Variants in IL1RAPL2 observed in about 807,000 individuals in gnomAD.
IL1RAPL2 encodes the protein interleukin 1 receptor accessory protein like 2, also known as X-linked interleukin-1 receptor accessory protein-like 2.
A neutral mutation model predicts 44.1 loss-of-function variants in IL1RAPL2; 3 were observed. The ratio of observed to expected loss-of-function variants is 0.07; its 90% CI spans 0.03 to 0.18. The LOEUF (loss-of-function observed/expected upper bound fraction) is 0.18, where lower values mean the gene tolerates loss of function less well. Ranked by LOEUF, IL1RAPL2 falls within the 10% of genes least tolerant of loss-of-function variation. The probability of loss-of-function intolerance (pLI) is 1.00; values close to 1 mark genes in which losing one functional copy is unlikely to be tolerated. For synonymous variants in IL1RAPL2, 181 were observed against 178.8 expected, an observed-to-expected ratio of 1.01 and a Z score of -0.10; for missense variants, 391 against 496.4, an observed-to-expected ratio of 0.79 and a Z score of 2.02.
At chrX:105,538,945 C>T (rs1390053354) in intron 6 of IL1RAPL2, among the ~76,000 whole-genome samples, 1 of 110,441 alleles carries the variant, frequency 9.1e-6, no homozygotes, top group Non-Finnish European at 1.9e-5. Context: ...TTACAATATC[C>T]ATAAAAAGAA....
intron 2 of IL1RAPL2, among the ~76,000 whole-genome samples, chrX:104,915,233 T>A (rs1474832755): frequency 9.0e-6 from 1 of 110,998 alleles, no homozygotes; most frequent in Non-Finnish European, 1.9e-5. Flanking sequence ...ACCTGTTGTT[T>A]CCTGACTTTT....
At chrX:105,540,450 G>T (rs2036711978) in intron 6 of IL1RAPL2, among the ~76,000 whole-genome samples, 1 of 110,447 alleles carries the variant, frequency 9.1e-6, no homozygotes. Context: ...ATTACTGCAT[G>T]TTCTCACAAG....
intron 1 of IL1RAPL2, among the ~76,000 whole-genome samples, chrX:104,633,838 T>C (rs1441421118): frequency 1.8e-5 from 2 of 111,788 alleles, no homozygotes; most frequent in Non-Finnish European, 3.8e-5. Flanking sequence ...TGTGTCTCTA[T>C]TTCCTTCAGT....
intron 2 of IL1RAPL2, among the ~76,000 whole-genome samples, chrX:104,931,974 G>T (rs199724408): frequency 2.9e-5 from 2 of 70,005 alleles, no homozygotes; most frequent in East Asian, 5.0e-4. Context: ...GTGTGTGTGT[G>T]TTTGTATATA....
chrX:104,792,188 G>C (rs1202667447), intron 2 of IL1RAPL2, among the ~76,000 whole-genome samples: 1 of 110,971 alleles, frequency 9.0e-6, no homozygotes, highest in Admixed American at 9.6e-5. Context: ...TTATTCACAT[G>C]CTCTGCTACT....
intron 6 of IL1RAPL2, among the ~76,000 whole-genome samples, chrX:105,497,644 ACT>A (rs1203892344): frequency 9.0e-6 from 1 of 111,528 alleles, no homozygotes; most frequent in African/African-American, 3.3e-5. Flanking sequence ...CAGGCTAATA[ACT>A]CTGATCAATG....
chrX:104,740,990 G>T, intron 2 of IL1RAPL2, among the ~76,000 whole-genome samples: 1 of 111,179 alleles, frequency 9.0e-6, no homozygotes, highest in Non-Finnish European at 1.9e-5. Context: ...CTATTGTTTT[G>T]ATATCAATGT....
intron 5 of IL1RAPL2, among the ~76,000 whole-genome samples, chrX:105,448,755 G>A (rs905968074): frequency 1.5e-4 from 16 of 110,177 alleles, no homozygotes; most frequent in African/African-American, 4.3e-4. Context: ...TTGTCTCATC[G>A]GATTGTGTAT....
At chrX:105,511,002 T>C (rs748451947) in intron 6 of IL1RAPL2, among the ~76,000 whole-genome samples, 1 of 111,609 alleles carries the variant, frequency 9.0e-6, no homozygotes, top group African/African-American at 3.2e-5. Flanking sequence ...ACCAACACCA[T>C]ATAGAGAGTC....
chrX:104,686,188 A>G (rs184933348), intron 2 of IL1RAPL2, among the ~76,000 whole-genome samples: 1 of 111,137 alleles, frequency 9.0e-6, no homozygotes, highest in Admixed American at 9.6e-5. Context: ...GTACCACCAG[A>G]CAGTAGGTTT....
At chrX:105,086,704 ATGTGTGTG>A (rs10536420) in intron 2 of IL1RAPL2, among the ~76,000 whole-genome samples, 1 of 104,311 alleles carries the variant, frequency 9.6e-6, no homozygotes, top group African/African-American at 3.5e-5. Flanking sequence ...TTGTATATAT[ATGTGTGTG>A]TGTGTGTGTG....
intron 2 of IL1RAPL2, among the ~76,000 whole-genome samples, chrX:104,818,891 C>T (rs1166901619): frequency 9.0e-6 from 1 of 111,362 alleles, no homozygotes; most frequent in African/African-American, 3.3e-5. Flanking sequence ...GGGATACTTC[C>T]TATATTTCTA....
chrX:104,868,394 C>T (rs1381989478), intron 2 of IL1RAPL2, among the ~76,000 whole-genome samples: 1 of 111,930 alleles, frequency 8.9e-6, no homozygotes, highest in Non-Finnish European at 1.9e-5. Flanking sequence ...GCCACTCTCC[C>T]TCTTTAGGGT....
intron 6 of IL1RAPL2, among the ~76,000 whole-genome samples, chrX:105,604,756 A>T (rs910976524): frequency 3.6e-5 from 4 of 111,388 alleles, no homozygotes; most frequent in African/African-American, 1.3e-4. Flanking sequence ...AAAATCCCCA[A>T]ATACAAGCAC....
At chrX:105,047,006 T>C (rs1287421680) in intron 2 of IL1RAPL2, among the ~76,000 whole-genome samples, 1 of 109,924 alleles carries the variant, frequency 9.1e-6, no homozygotes, top group Admixed American at 9.8e-5. Context: ...GAAATTCCAG[T>C]AAAATTCCTT....
intron 6 of IL1RAPL2, among the ~76,000 whole-genome samples, chrX:105,637,378 T>C (rs899256908): frequency 2.7e-5 from 3 of 111,951 alleles, no homozygotes; most frequent in Non-Finnish European, 5.7e-5. Context: ...GGAAGACTGA[T>C]TGTAGGTCAG....
At chrX:104,983,559 T>TATTATATAATATTATATTATA (rs2030495698) in intron 2 of IL1RAPL2, among the ~76,000 whole-genome samples, 1 of 51,024 alleles carries the variant, frequency 2.0e-5, no homozygotes, top group Non-Finnish European at 4.1e-5. Context: ...TATAGACATA[T>TATTATATAATATTATATTATA]TATATATTAT....
chrX:104,913,199 A>G (rs764802974), intron 2 of IL1RAPL2, among the ~76,000 whole-genome samples: 3 of 111,617 alleles, frequency 2.7e-5, no homozygotes, highest in Non-Finnish European at 5.6e-5. Context: ...GTTTGTATGC[A>G]GGCTGTTACC....
intron 2 of IL1RAPL2, among the ~76,000 whole-genome samples, chrX:104,990,848 A>C (rs1355684607): frequency 1.8e-5 from 2 of 111,738 alleles, no homozygotes; most frequent in Non-Finnish European, 3.8e-5. Context: ...GAAGATGTTT[A>C]AACACTTTTT....
Sources: allele counts gnomAD v4.1 joint callset (sites outside exome capture counted in the v4.1 genomes callset), GRCh38; gene constraint gnomAD v4.1.1; transcripts MANE v1.5; gene names NCBI Gene and HGNC (gene_info 2026-07-23, HGNC 2026-07-21).